ATG7: variants seen among roughly 807,000 people sequenced by gnomAD.
ATG7 encodes autophagy related 7, also known as ubiquitin-like modifier-activating enzyme ATG7.
ATG7 carries 70 observed loss-of-function variants against 82.4 expected under a neutral mutation model. The ratio of observed to expected loss-of-function variants is 0.85; its 90% CI spans 0.70 to 1.04. The LOEUF (loss-of-function observed/expected upper bound fraction) is 1.04. ATG7 is among the 50% of genes least tolerant of loss of function. ATG7 has a pLI of 0.00. For synonymous variants in ATG7, 287 were observed against 313.0 expected (o/e 0.92, Z 0.88); for missense variants, 792 against 864.3 (o/e 0.92, Z 1.05).
intron 20 of ATG7, among the ~76,000 whole-genome samples, chr3:11,528,493 C>T (rs1004512580): frequency 4.6e-5 from 7 of 152,088 alleles, no homozygotes; most frequent in African/African-American, 1.7e-4. Flanking sequence ...CACAGTCTGA[C>T]ATAGAGTCTA....
intron 18 of ATG7, among the ~76,000 whole-genome samples, chr3:11,373,372 T>C (rs1450649241): frequency 6.6e-6 from 1 of 152,232 alleles, no homozygotes; most frequent in Non-Finnish European, 1.5e-5. Flanking sequence ...ATCCGTTTTC[T>C]GACAGCTAAC....
chr3:11,419,355 A>G (rs2081715593), intron 19 of ATG7, among the ~76,000 whole-genome samples: 1 of 152,154 alleles, frequency 6.6e-6, no homozygotes, highest in Admixed American at 6.5e-5. Context: ...GAGTTCTGAG[A>G]CGAGCCTGGG....
downstream of ATG7, among the ~76,000 whole-genome samples, chr3:11,559,869 C>G (rs540181253): frequency 6.6e-6 from 1 of 152,148 alleles, no homozygotes. Context: ...TGGAGCCATC[C>G]AGGACACTTC....
chr3:11,300,480 G>A (rs1205686693), intron 5 of ATG7, among the ~76,000 whole-genome samples: 1 of 152,190 alleles, frequency 6.6e-6, no homozygotes, highest in African/African-American at 2.4e-5. Flanking sequence ...TACAGAAATA[G>A]AGAAACCAGG....
the ATG7 span, among the ~76,000 whole-genome samples, chr3:11,574,587 A>T: frequency 1.3e-5 from 2 of 152,304 alleles, no homozygotes; most frequent in African/African-American, 4.8e-5. Context: ...CACCTAGACC[A>T]CTGTAGGGTG....
intron 19 of ATG7, among the ~76,000 whole-genome samples, chr3:11,412,416 T>A (rs2080999169): frequency 6.6e-6 from 1 of 152,112 alleles, no homozygotes; most frequent in Admixed American, 6.6e-5. Flanking sequence ...TGGTTTCACT[T>A]TTTTTTGTTG....
intron 20 of ATG7, among the ~76,000 whole-genome samples, chr3:11,503,755 C>CAAAAA (rs34065629): frequency 4.3e-4 from 33 of 76,864 alleles, no homozygotes; most frequent in Admixed American, 9.9e-4. Flanking sequence ...GACTCTGTCT[C>CAAAAA]AAAAAAAAAA....
chr3:11,475,231 A>G (rs1481391657), intron 20 of ATG7, among the ~76,000 whole-genome samples: 1 of 152,094 alleles, frequency 6.6e-6, no homozygotes, highest in Non-Finnish European at 1.5e-5. Flanking sequence ...TCTCTTGAAT[A>G]CCTACTGTGT....
chr3:11,301,073 G>A (rs948813706), intron 5 of ATG7, among the ~76,000 whole-genome samples: 4 of 152,308 alleles, frequency 2.6e-5, no homozygotes, highest in Middle Eastern at 6.8e-3. Flanking sequence ...CAGAACTAGC[G>A]AAGGACACAG....
intron 20 of ATG7, among the ~76,000 whole-genome samples, chr3:11,467,087 G>T (rs2086904490): frequency 6.6e-6 from 1 of 152,040 alleles, no homozygotes; most frequent in African/African-American, 2.4e-5. Flanking sequence ...TCATGCCATT[G>T]CACTTCAGCC....
chr3:11,277,902 C>CG lies in ATG7; in HGVS notation c.-365-3092_-365-3091insG, dbSNP rs1553596471. Among the ~76,000 whole-genome samples the CG allele has an allele frequency of 1.4e-4, 19 of 137,324 alleles. 2 individuals are homozygous for CG. The South Asian group carries it at 2.7e-3, about 19-fold the overall frequency. The allele number at this position is 137,324 out of a possible 152,430, so 90.1% of individuals were successfully genotyped here. Reference sequence around the variant, plus strand: ...GCGGCCCTTTATAGACCCCCCCCCCCCCACCAGGAATGCATTCCTTTCCCA... The same window carrying CG: ...GCGGCCCTTTATAGACCCCCCCCCCCGCCACCAGGAATGCATTCCTTTCCCA... On this transcript the variant is annotated intron_variant, in intron 1 of 20. Transcript: ENST00000693202.
intron 19 of ATG7, among the ~76,000 whole-genome samples, chr3:11,414,778 C>A (rs577474537): frequency 6.6e-6 from 1 of 152,148 alleles, no homozygotes; most frequent in South Asian, 2.1e-4. Context: ...AATGACTGTT[C>A]AATTTTGTAA....
intron 13 of ATG7, among the ~76,000 whole-genome samples, chr3:11,346,204 T>C (rs1057297703): frequency 1.3e-4 from 20 of 152,316 alleles, no homozygotes; most frequent in Admixed American, 1.2e-3. Flanking sequence ...AGAATATGCC[T>C]TCTGATAGGA....
chr3:11,559,161 A>T (rs2072728324), downstream of ATG7, among the ~76,000 whole-genome samples: 1 of 152,092 alleles, frequency 6.6e-6, no homozygotes, highest in South Asian at 2.1e-4. Context: ...TGCCCTTCCC[A>T]CCCAAGTCAT....
chr3:11,299,511 A>C, intron 5 of ATG7, 95 bp downstream of exon 5: 1 of 1,323,444 alleles, frequency 7.6e-7, no homozygotes, highest in East Asian at 2.3e-5. Context: ...CCACAGGAGG[A>C]CTAGGGAAGT....
chr3:11,440,604 G>A (rs1162213128), intron 20 of ATG7, among the ~76,000 whole-genome samples: 2 of 146,956 alleles, frequency 1.4e-5, no homozygotes, highest in Admixed American at 6.9e-5. Context: ...GATTACAGGC[G>A]TGAGCCACCG....
chr3:11,575,501 G>A, the ATG7 span, among the ~76,000 whole-genome samples: 2 of 152,152 alleles, frequency 1.3e-5, no homozygotes, highest in South Asian at 2.1e-4. Context: ...GGGCAAAGTG[G>A]GTCCCTCCTT....
At chr3:11,280,133 G>A (rs568477605) in intron 1 of ATG7, among the ~76,000 whole-genome samples, 59 of 151,666 alleles carry the variant, frequency 3.9e-4, no homozygotes, top group African/African-American at 1.4e-3. Context: ...TGCAACCTGC[G>A]CCTCCCGGGT....
intron 20 of ATG7, among the ~76,000 whole-genome samples, chr3:11,541,604 T>A (rs2070839639): frequency 6.6e-6 from 1 of 152,166 alleles, no homozygotes; most frequent in African/African-American, 2.4e-5. Flanking sequence ...TGCATTTGCA[T>A]TATTTGAAGG....
Sources: allele counts gnomAD v4.1 joint callset (sites outside exome capture counted in the v4.1 genomes callset), GRCh38; gene constraint gnomAD v4.1.1; transcripts MANE v1.5; gene names NCBI Gene and HGNC (gene_info 2026-07-23, HGNC 2026-07-21).